The following RPH3A variants were observed in gnomAD, a reference collection of about 807,000 sequenced individuals.
RPH3A encodes rabphilin 3A.
RPH3A carries 48 observed loss-of-function variants against 102.2 expected under a neutral mutation model. That is an observed-to-expected ratio of 0.47 (90% CI 0.37 to 0.60). RPH3A has a LOEUF of 0.60. Among genes scored for constraint, RPH3A ranks in the 20% least tolerant of loss-of-function variants. The pLI, the probability that RPH3A is intolerant of heterozygous loss-of-function variation, is 0.00. For synonymous variants in RPH3A, 310 were observed against 324.3 expected (o/e 0.96, Z 0.47); for missense variants, 781 against 910.1 (o/e 0.86, Z 1.83).
At chr12:112,649,226 G>T (rs570741653) in intron 1 of RPH3A, among the ~76,000 whole-genome samples, 1 of 152,314 alleles carries the variant, frequency 6.6e-6, no homozygotes, top group Non-Finnish European at 1.5e-5. Context: ...ATTACCTTTC[G>T]GAGTTGGAAA....
chr12:112,653,209 T>C (rs531920992), intron 1 of RPH3A, among the ~76,000 whole-genome samples: 7 of 151,590 alleles, frequency 4.6e-5, no homozygotes, highest in African/African-American at 1.5e-4. Flanking sequence ...TGGTCAACGG[T>C]GAAACCCCAT....
chr12:112,791,021 G>A (rs1385775446), upstream of RPH3A: 1 of 152,168 alleles, frequency 6.6e-6, no homozygotes, highest in East Asian at 1.9e-4. Context: ...TCACAGATGG[G>A]ACTTGGAAAC....
At chr12:112,870,918 G>A (rs780298135) in intron 10 of RPH3A, among the ~76,000 whole-genome samples, 4 of 152,184 alleles carry the variant, frequency 2.6e-5, no homozygotes, top group South Asian at 2.1e-4. Context: ...GCCAAATGCC[G>A]TCTCAAGTTC....
chr12:112,895,589 C>G, intron 20 of RPH3A, 188 bp from the exon 21 acceptor site: 1 of 548,696 alleles, frequency 1.8e-6, no homozygotes, highest in Non-Finnish European at 3.3e-6. Flanking sequence ...CTTTGTTACA[C>G]AGAGTGTTTG....
chr12:112,775,322 T>G (rs766642734), intron 1 of RPH3A, among the ~76,000 whole-genome samples: 1 of 152,164 alleles, frequency 6.6e-6, no homozygotes, highest in Non-Finnish European at 1.5e-5. Context: ...AGTGTAATAA[T>G]AAGCAAATGC....
chr12:112,694,468 A>G (rs1234459960), intron 1 of RPH3A, among the ~76,000 whole-genome samples: 1 of 151,882 alleles, frequency 6.6e-6, no homozygotes, highest in Non-Finnish European at 1.5e-5. Context: ...TCCAAGTGAC[A>G]CTCTTACCAC....
intron 1 of RPH3A, among the ~76,000 whole-genome samples, chr12:112,661,339 G>A (rs762454459): frequency 2.6e-5 from 4 of 152,128 alleles, no homozygotes; most frequent in African/African-American, 4.8e-5. Flanking sequence ...CTTGATAGAT[G>A]GCCTTGAGCA....
At chr12:112,827,317 T>C (rs2041894480) in intron 2 of RPH3A, among the ~76,000 whole-genome samples, 1 of 152,238 alleles carries the variant, frequency 6.6e-6, no homozygotes, top group Non-Finnish European at 1.5e-5. Flanking sequence ...ATATGGTGTT[T>C]TGTGTCTGGC....
At chr12:112,737,232 G>A (rs1346779002) in intron 1 of RPH3A, among the ~76,000 whole-genome samples, 3 of 151,696 alleles carry the variant, frequency 2.0e-5, no homozygotes, top group Non-Finnish European at 4.4e-5. Flanking sequence ...TAGATATTAT[G>A]CTAAGGGATG....
At chr12:112,869,845 A>G (rs1565931655) in intron 9 of RPH3A, 48 bp downstream of exon 9, 1 of 1,614,136 alleles carries the variant, frequency 6.2e-7, no homozygotes, top group Non-Finnish European at 8.5e-7. Flanking sequence ...GAATTCACCT[A>G]ATTCCCTCGA....
chr12:112,696,847 G>C (rs1161380797), intron 1 of RPH3A, among the ~76,000 whole-genome samples: 1 of 151,960 alleles, frequency 6.6e-6, no homozygotes, highest in Non-Finnish European at 1.5e-5. Context: ...CTAGGAGATT[G>C]GTAGGACTGG....
At position 112,581,216 on chromosome 12, in the gene RPH3A, C is replaced by T. The variant is rs575727545; in HGVS notation, c.-140+5897C>T. ...GAGATTTAATTGACTCACAGTTCCA[C>T]ATGACTGGGGAGGCCTCACAATCAC... On this transcript the variant is annotated intron_variant, in intron 1 of 21. Transcript: ENST00000543106. Among the ~76,000 whole-genome samples, 10 of 152,256 alleles carry T rather than the reference C, an allele frequency of 6.6e-5. 1 individual carries two copies. The highest frequency in any genetic ancestry group is 2.4e-4 in the African/African-American group (10 of 41,556).
intron 7 of RPH3A, among the ~76,000 whole-genome samples, chr12:112,867,642 A>G (rs1484761646): frequency 6.6e-6 from 1 of 152,154 alleles, no homozygotes; most frequent in African/African-American, 2.4e-5. Context: ...AGAGGAGGGA[A>G]TGGTTACCAG....
intron 1 of RPH3A, among the ~76,000 whole-genome samples, chr12:112,581,405 C>T (rs141403196): frequency 6.6e-6 from 1 of 152,264 alleles, no homozygotes; most frequent in African/African-American, 2.4e-5. Flanking sequence ...CCCACTGGGT[C>T]CCTCCCATGA....
chr12:112,673,576 T>A (rs1381679048), intron 1 of RPH3A, among the ~76,000 whole-genome samples: 1 of 151,892 alleles, frequency 6.6e-6, no homozygotes, highest in Non-Finnish European at 1.5e-5. Context: ...TAGGTGTGTA[T>A]ATTTATGGGG....
At chr12:112,756,485 T>C (rs931654224) in intron 1 of RPH3A, among the ~76,000 whole-genome samples, 1 of 152,238 alleles carries the variant, frequency 6.6e-6, no homozygotes, top group Non-Finnish European at 1.5e-5. Context: ...GTGCTGGGAT[T>C]ACAGGCATGA....
chr12:112,773,018 A>G (rs1183320635), intron 1 of RPH3A, among the ~76,000 whole-genome samples: 2 of 152,094 alleles, frequency 1.3e-5, no homozygotes, highest in African/African-American at 4.8e-5. Context: ...CTTCACTGAG[A>G]ATAATAGTCT....
At chr12:112,689,455 T>TTAAAG (rs1369694178) in intron 1 of RPH3A, among the ~76,000 whole-genome samples, 1 of 152,344 alleles carries the variant, frequency 6.6e-6, no homozygotes, top group African/African-American at 2.4e-5. Flanking sequence ...CCGTATATAT[T>TTAAAG]CAAAGCTAAA....
At chr12:112,624,272 C>G (rs1379321722) in intron 1 of RPH3A, among the ~76,000 whole-genome samples, 1 of 150,980 alleles carries the variant, frequency 6.6e-6, no homozygotes, top group Non-Finnish European at 1.5e-5. Context: ...AATCCAGGAG[C>G]TAGTTTTTTG....
Sources: gnomAD v4.1 joint callset for allele counts (sites outside exome capture counted in the v4.1 genomes callset) on GRCh38, gnomAD v4.1.1 for gene constraint, MANE v1.5 for transcripts, NCBI Gene and HGNC (gene_info 2026-07-23, HGNC 2026-07-21) for gene names.